Variants in ROBO2 observed in about 807,000 individuals in gnomAD.
ROBO2 encodes the protein roundabout homolog 2.
Under a neutral mutation model 160.8 loss-of-function variants are expected in ROBO2, and 53 were observed. That is an observed-to-expected ratio of 0.33 (90% CI 0.26 to 0.41). ROBO2 has a LOEUF of 0.41. Among genes scored for constraint, ROBO2 ranks in the 10% least tolerant of loss-of-function variants. The pLI, the probability that ROBO2 is intolerant of heterozygous loss-of-function variation, is 1.00. For synonymous variants in ROBO2, 664 were observed against 611.7 expected, an observed-to-expected ratio of 1.09 and a Z score of -1.26; for missense variants, 1,577 against 1,722.4, an observed-to-expected ratio of 0.92 and a Z score of 1.49.
intron 1 of ROBO2, among the ~76,000 whole-genome samples, chr3:77,083,476 C>G (rs1407428608): frequency 6.6e-6 from 1 of 152,138 alleles, no homozygotes; most frequent in Admixed American, 6.6e-5. Flanking sequence ...GAAAAGCAAT[C>G]ACTAACTGTT....
intron 2 of ROBO2, among the ~76,000 whole-genome samples, chr3:76,512,015 G>A (rs2081116723): frequency 6.6e-6 from 1 of 152,110 alleles, no homozygotes; most frequent in Non-Finnish European, 1.5e-5. Context: ...ACAAAAATGT[G>A]TGGTGGGCTT....
At chr3:77,547,424 A>G (rs975416038) in intron 7 of ROBO2, among the ~76,000 whole-genome samples, 5 of 152,096 alleles carry the variant, frequency 3.3e-5, no homozygotes, top group African/African-American at 9.7e-5. Flanking sequence ...TTCCTTGGGA[A>G]TAATGGAAAT....
intron 2 of ROBO2, among the ~76,000 whole-genome samples, chr3:76,473,548 G>A (rs2078778811): frequency 6.6e-6 from 1 of 152,102 alleles, no homozygotes; most frequent in African/African-American, 2.4e-5. Flanking sequence ...TTGAGAGTCT[G>A]ACTAGAACAA....
chr3:75,960,499 A>G lies in ROBO2; in HGVS notation c.109+22897A>G, dbSNP rs545567724. 1.0e-3 allele frequency among the ~76,000 whole-genome samples: 156 copies of G among 151,910 alleles called. 1 individual carries two copies. In the South Asian group the frequency reaches 0.029, roughly 28 times the overall value. On this transcript the variant is annotated intron_variant, in intron 2 of 26. Coordinates refer to the ROBO2 transcript ENST00000487694. ...TCCCAAATAATTTTATAAAGATTAT[A>G]GGGGTGGTTTCATTATATATATAAC...
At chr3:76,560,820 C>G (rs988690882) in intron 2 of ROBO2, among the ~76,000 whole-genome samples, 2 of 149,674 alleles carry the variant, frequency 1.3e-5, no homozygotes, top group Non-Finnish European at 3.0e-5. Flanking sequence ...TGCACCAAAC[C>G]AACTGATTTA....
intron 2 of ROBO2, among the ~76,000 whole-genome samples, chr3:76,002,602 A>T (rs7628121): frequency 5.9e-5 from 9 of 151,874 alleles, no homozygotes; most frequent in African/African-American, 2.2e-4. Context: ...ATGAGCCTTT[A>T]ATCTTCTGCC....
intron 2 of ROBO2, among the ~76,000 whole-genome samples, chr3:76,694,474 TATTA>T (rs2092884581): frequency 6.6e-6 from 1 of 152,094 alleles, no homozygotes; most frequent in Admixed American, 6.6e-5. Flanking sequence ...AGTGCAGCTT[TATTA>T]TTTTTCTCAC....
At chr3:76,336,278 T>C (rs1194477787) in intron 2 of ROBO2, among the ~76,000 whole-genome samples, 1 of 152,182 alleles carries the variant, frequency 6.6e-6, no homozygotes, top group Non-Finnish European at 1.5e-5. Flanking sequence ...ACTGCAGAAA[T>C]TATGCATAAC....
At chr3:76,650,943 C>G (rs1261213026) in intron 2 of ROBO2, among the ~76,000 whole-genome samples, 6 of 152,078 alleles carry the variant, frequency 3.9e-5, no homozygotes, top group Non-Finnish European at 1.5e-5. Flanking sequence ...TGTTAAAAGA[C>G]CTTTGCTAAA....
intron 2 of ROBO2, among the ~76,000 whole-genome samples, chr3:76,450,324 T>C (rs2109260624): frequency 6.6e-6 from 1 of 152,344 alleles, no homozygotes; most frequent in African/African-American, 2.4e-5. Context: ...AATAAAGTTT[T>C]ATAGGTAATT....
At chr3:76,510,901 C>T (rs555932406) in intron 2 of ROBO2, among the ~76,000 whole-genome samples, 1 of 152,158 alleles carries the variant, frequency 6.6e-6, no homozygotes, top group East Asian at 1.9e-4. Context: ...AAAGATCTAT[C>T]ACAAGAAACT....
chr3:76,529,241 A>G (rs1278053683), intron 2 of ROBO2, among the ~76,000 whole-genome samples: 1 of 152,212 alleles, frequency 6.6e-6, no homozygotes, highest in Non-Finnish European at 1.5e-5. Flanking sequence ...CCATAGAGCT[A>G]TCTTGTGGAA....
intron 2 of ROBO2, among the ~76,000 whole-genome samples, chr3:76,847,048 T>C (rs2068839383): frequency 6.6e-6 from 1 of 152,200 alleles, no homozygotes; most frequent in South Asian, 2.1e-4. Flanking sequence ...GTCTACTTTG[T>C]TAAACATGTC....
At chr3:76,934,266 T>G (rs2149072054) in intron 2 of ROBO2, among the ~76,000 whole-genome samples, 1 of 152,208 alleles carries the variant, frequency 6.6e-6, no homozygotes, top group Middle Eastern at 3.4e-3. Context: ...TTACAAGCCT[T>G]TAAGCCGTCA....
chr3:77,522,957 A>T, intron 6 of ROBO2, 55 bp downstream of exon 6: 1 of 1,597,682 alleles, frequency 6.3e-7, no homozygotes, highest in Non-Finnish European at 8.6e-7. Flanking sequence ...TATTTGGTTA[A>T]ATTGGTAAGT....
intron 12 of ROBO2, among the ~76,000 whole-genome samples, chr3:77,566,634 C>T (rs1039246737): frequency 5.3e-5 from 8 of 151,928 alleles, no homozygotes; most frequent in African/African-American, 1.7e-4. Context: ...TTTGATCATT[C>T]GATAACTATG....
chr3:77,377,348 C>T (rs545674427), intron 2 of ROBO2, among the ~76,000 whole-genome samples: 4 of 152,114 alleles, frequency 2.6e-5, no homozygotes, highest in Non-Finnish European at 4.4e-5. Flanking sequence ...TTGTGAAATA[C>T]ACCAACAAAT....
chr3:77,334,832 A>T (rs1308676325), intron 2 of ROBO2, among the ~76,000 whole-genome samples: 6 of 152,172 alleles, frequency 3.9e-5, no homozygotes, highest in African/African-American at 1.4e-4. Flanking sequence ...TGGACCTGAA[A>T]ACTCTGCACA....
At chr3:76,990,345 AAAAC>A (rs2149366675) in intron 2 of ROBO2, among the ~76,000 whole-genome samples, 1 of 152,336 alleles carries the variant, frequency 6.6e-6, no homozygotes, top group African/African-American at 2.4e-5. Context: ...ATTAATAACA[AAAAC>A]AAAACATATA....
Sources: gnomAD v4.1 joint callset for allele counts (sites outside exome capture counted in the v4.1 genomes callset) on GRCh38, gnomAD v4.1.1 for gene constraint, MANE v1.5 for transcripts, NCBI Gene and HGNC (gene_info 2026-07-23, HGNC 2026-07-21) for gene names.